Variants in RALGPS1 observed in about 807,000 individuals in gnomAD.
The protein encoded by RALGPS1 is Ral GEF with PH domain and SH3 binding motif 1.
RALGPS1 carries 19 observed loss-of-function variants against 78.8 expected under a neutral mutation model. The observed-to-expected ratio is 0.24, with a 90% CI of 0.17 to 0.35. The LOEUF (loss-of-function observed/expected upper bound fraction) is 0.35. Ranked by LOEUF, RALGPS1 falls within the 10% of genes least tolerant of loss-of-function variation. The probability of loss-of-function intolerance (pLI) is 1.00; values close to 1 mark genes in which losing one functional copy is unlikely to be tolerated. For synonymous variants in RALGPS1, 228 were observed against 256.3 expected (o/e 0.89, Z 1.06); for missense variants, 454 against 688.3 (o/e 0.66, Z 3.81).
intron 4 of RALGPS1, among the ~76,000 whole-genome samples, chr9:127,009,584 A>T (rs1187889529): frequency 6.6e-6 from 1 of 152,194 alleles, no homozygotes; most frequent in Non-Finnish European, 1.5e-5. Flanking sequence ...TCAGTGGGTG[A>T]AATCTACTGA....
chr9:127,199,700 G>A (rs1373486517), intron 14 of RALGPS1, among the ~76,000 whole-genome samples: 2 of 152,172 alleles, frequency 1.3e-5, no homozygotes, highest in Non-Finnish European at 2.9e-5. Context: ...ACGTACTAGT[G>A]TTTTCCTGTG....
At chr9:127,154,875 C>T (rs1042083842) in intron 8 of RALGPS1, among the ~76,000 whole-genome samples, 2 of 152,194 alleles carry the variant, frequency 1.3e-5, no homozygotes, top group African/African-American at 2.4e-5. Context: ...TTTCTGTGCA[C>T]AGTAGCAAAT....
intron 13 of RALGPS1, among the ~76,000 whole-genome samples, chr9:127,198,423 T>G (rs747357532): frequency 1.3e-5 from 2 of 152,096 alleles, no homozygotes; most frequent in Non-Finnish European, 2.9e-5. Context: ...CAAGAGGGCT[T>G]AGAGAGCCCG....
At chr9:127,044,586 GT>G (rs937879474) in intron 5 of RALGPS1, among the ~76,000 whole-genome samples, 6 of 152,086 alleles carry the variant, frequency 3.9e-5, no homozygotes, top group Non-Finnish European at 8.8e-5. Context: ...ATAATTTCAT[GT>G]TTTATTTTAA....
intron 4 of RALGPS1, among the ~76,000 whole-genome samples, chr9:127,012,813 G>A (rs1403193316): frequency 3.3e-5 from 5 of 152,134 alleles, no homozygotes; most frequent in African/African-American, 1.2e-4. Flanking sequence ...TTGGGATGGT[G>A]GCTTCATGTC....
intron 4 of RALGPS1, among the ~76,000 whole-genome samples, chr9:127,031,669 A>G (rs914020421): frequency 5.9e-5 from 9 of 152,248 alleles, no homozygotes; most frequent in African/African-American, 1.2e-4. Flanking sequence ...AATAAGTGAC[A>G]TGGTGTGGGA....
rs1247640093 is a variant in RALGPS1, at chr9:126,989,321, T to C, written c.216+11576T>C. 4.7e-4 allele frequency among the ~76,000 whole-genome samples: 71 copies of C among 152,032 alleles called. 1 individual carries two copies. The highest frequency in any genetic ancestry group is 2.9e-5 in the Non-Finnish European group (2 of 68,012). On this transcript the variant is annotated intron_variant, in intron 4 of 18. Coordinates refer to ENST00000259351, the MANE Select transcript of RALGPS1 (RefSeq NM_014636.3). Reference sequence around the variant, plus strand: ...TGGGGGCACCCAGAAGTGAGAAGTTTAGTGAAGTGTGTAGAGATGACAACA... The same window carrying C: ...TGGGGGCACCCAGAAGTGAGAAGTTCAGTGAAGTGTGTAGAGATGACAACA...
rs1330253315 is a variant in RALGPS1, at chr9:127,180,182, A to G, written c.910+5400A>G. Among the ~76,000 whole-genome samples the G allele has an allele frequency of 1.1e-4, 16 of 152,356 alleles. No homozygotes were observed. The East Asian group carries it at 3.1e-3, about 29-fold the overall frequency. On this transcript the variant is annotated intron_variant, in intron 11 of 18. Coordinates refer to ENST00000259351, the MANE Select transcript of RALGPS1 (RefSeq NM_014636.3). ...AATCATAAAGAACGTTGACCCCCAG[A>G]GAGGGCAAGTAATGTTTGTGTGTAC...
chr9:126,960,648 A>G (rs1402589874), intron 1 of RALGPS1, among the ~76,000 whole-genome samples: 1 of 151,982 alleles, frequency 6.6e-6, no homozygotes, highest in African/African-American at 2.4e-5. Context: ...TTTTTGAGCT[A>G]CCTCCAAAGA....
chr9:126,959,110 T>C (rs988705493), intron 1 of RALGPS1, among the ~76,000 whole-genome samples: 6 of 151,658 alleles, frequency 4.0e-5, no homozygotes, highest in Non-Finnish European at 1.5e-5. Flanking sequence ...TTGCTCAGGC[T>C]GGAATGTAGT....
At chr9:127,128,073 C>T (rs2056757326) in intron 8 of RALGPS1, among the ~76,000 whole-genome samples, 1 of 148,018 alleles carries the variant, frequency 6.8e-6, no homozygotes, top group Non-Finnish European at 1.5e-5. Context: ...TGTTCAGCTC[C>T]CACTTATGAA....
At chr9:127,173,634 A>C (rs989182469) in intron 10 of RALGPS1, among the ~76,000 whole-genome samples, 1 of 152,162 alleles carries the variant, frequency 6.6e-6, no homozygotes, top group Admixed American at 6.5e-5. Context: ...AGATATATTG[A>C]AGGGCCAGTC....
chr9:127,195,538 C>T (rs2061309450), intron 12 of RALGPS1, among the ~76,000 whole-genome samples: 1 of 152,184 alleles, frequency 6.6e-6, no homozygotes, highest in South Asian at 2.1e-4. Flanking sequence ...CAGTTAATGA[C>T]TCATGGAAAA....
At position 127,122,198 on chromosome 9, in the gene RALGPS1, C is replaced by T. The variant is rs962509678; in HGVS notation, c.611-43871C>T. 2 of 152,290 alleles carry T rather than the reference C, an allele frequency of 1.3e-5. No individual in the cohort carries two copies. The highest frequency in any genetic ancestry group is 2.9e-5 in the Non-Finnish European group (2 of 68,108). The allele number at this position is 152,290 out of a possible 1,614,324, so 9.4% of individuals were successfully genotyped here. On this transcript the variant is annotated intron_variant, in intron 8 of 18. Coordinates refer to ENST00000259351, the MANE Select transcript of RALGPS1 (RefSeq NM_014636.3). This position sits in a 1 kb window ranked among gnomAD's most constrained non-coding sequence, Gnocchi z 6.4. Reference sequence around the variant, plus strand: ...CCAAGCGATAGCAGGGAGTGACCCTCTGAGATCCAGCAGCACACACCCCCA... The same window carrying T: ...CCAAGCGATAGCAGGGAGTGACCCTTTGAGATCCAGCAGCACACACCCCCA...
chr9:127,083,748 G>C (rs960212921), intron 8 of RALGPS1, among the ~76,000 whole-genome samples: 4 of 152,152 alleles, frequency 2.6e-5, no homozygotes, highest in African/African-American at 7.2e-5. Context: ...TGAGAACTTA[G>C]CAGGTCCTTT....
intron 1 of RALGPS1, among the ~76,000 whole-genome samples, chr9:126,960,616 T>A (rs2132085161): frequency 6.6e-6 from 1 of 152,226 alleles, no homozygotes; most frequent in African/African-American, 2.4e-5. Flanking sequence ...GGAGTCAATA[T>A]CATCAGGCTG....
chr9:127,073,618 G>C (rs1196760648), intron 8 of RALGPS1, among the ~76,000 whole-genome samples: 1 of 152,154 alleles, frequency 6.6e-6, no homozygotes, highest in East Asian at 1.9e-4. Context: ...TAAATACCCA[G>C]TGGGATTGCT....
chr9:126,996,635 C>A (rs940894951), intron 4 of RALGPS1, among the ~76,000 whole-genome samples: 1 of 152,202 alleles, frequency 6.6e-6, no homozygotes, highest in African/African-American at 2.4e-5. Flanking sequence ...CCTTCTGAAA[C>A]TATTCCAATC....
chr9:127,103,917 A>G, intron 8 of RALGPS1, among the ~76,000 whole-genome samples: 1 of 152,068 alleles, frequency 6.6e-6, no homozygotes, highest in East Asian at 1.9e-4. Flanking sequence ...AGTAGTTAAA[A>G]CATACTTTGG....
Sources: gnomAD v4.1 joint callset for allele counts (sites outside exome capture counted in the v4.1 genomes callset) on GRCh38, gnomAD v4.1.1 for gene constraint, Gnocchi (gnomAD v3.1) non-coding constraint, MANE v1.5 for transcripts, NCBI Gene and HGNC (gene_info 2026-07-23, HGNC 2026-07-21) for gene names.